GPHN: variants seen among roughly 807,000 people sequenced by gnomAD.
GPHN encodes gephyrin.
GPHN carries 17 observed loss-of-function variants against 95.5 expected under a neutral mutation model. The ratio of observed to expected loss-of-function variants is 0.18; its 90% CI spans 0.12 to 0.27. The LOEUF (loss-of-function observed/expected upper bound fraction) is 0.27. Among genes scored for constraint, GPHN ranks in the 10% least tolerant of loss-of-function variants. The probability of loss-of-function intolerance (pLI) is 1.00; values close to 1 mark genes in which losing one functional copy is unlikely to be tolerated. For missense variants in GPHN, 660 were observed against 978.1 expected (o/e 0.67, Z 4.34); for synonymous variants, 320 against 322.5 (o/e 0.99, Z 0.08).
At chr14:67,442,998 T>C in the GPHN span, among the ~76,000 whole-genome samples, 5 of 152,288 alleles carry the variant, frequency 3.3e-5, no homozygotes, top group East Asian at 5.8e-4. Flanking sequence ...GGCAGGAGGA[T>C]TGCTTGAGCC....
the GPHN span, chr14:67,729,408 A>C: frequency 1.3e-6 from 2 of 1,592,120 alleles, no homozygotes; most frequent in Non-Finnish European, 8.5e-7. Context: ...GGTTCTCTCC[A>C]CCACCTGTGT....
At chr14:67,398,474 C>T in the GPHN span, among the ~76,000 whole-genome samples, 1 of 152,100 alleles carries the variant, frequency 6.6e-6, no homozygotes, top group Non-Finnish European at 1.5e-5. Context: ...CCTAAACTAC[C>T]CTTCTCTTTA....
chr14:67,112,567 G>T (rs1477522092), intron 15 of GPHN, among the ~76,000 whole-genome samples: 4 of 152,126 alleles, frequency 2.6e-5, no homozygotes, highest in African/African-American at 4.8e-5. Context: ...TTACCTCTAT[G>T]ACTGTAGCCT....
intron 8 of GPHN, among the ~76,000 whole-genome samples, chr14:66,959,658 C>A (rs2068766041): frequency 6.6e-6 from 1 of 152,036 alleles, no homozygotes; most frequent in South Asian, 2.1e-4. Flanking sequence ...GATCAGAATT[C>A]TCTCTTCATC....
At chr14:67,499,683 C>T in the GPHN span, among the ~76,000 whole-genome samples, 16,938 of 151,964 alleles carry the variant, frequency 0.11, 1,002 homozygotes, top group African/African-American at 0.16. Context: ...GGAATAGGGG[C>T]AGAGAAGTGA....
At chr14:67,274,816 TCTC>T in the GPHN span, among the ~76,000 whole-genome samples, 1 of 152,228 alleles carries the variant, frequency 6.6e-6, no homozygotes, top group Non-Finnish European at 1.5e-5. Context: ...GGTTTCTAGT[TCTC>T]CTTGAAGAGG....
At chr14:66,737,426 G>A (rs1370234606) in intron 2 of GPHN, among the ~76,000 whole-genome samples, 1 of 152,174 alleles carries the variant, frequency 6.6e-6, no homozygotes, top group Non-Finnish European at 1.5e-5. Context: ...AATTCTCAGG[G>A]AAGCCCCTTT....
At chr14:67,662,210 G>A in the GPHN span, among the ~76,000 whole-genome samples, 1 of 151,594 alleles carries the variant, frequency 6.6e-6, no homozygotes, top group Non-Finnish European at 1.5e-5. Context: ...TTAAAAGACT[G>A]CTTGGGTAAA....
the GPHN span, among the ~76,000 whole-genome samples, chr14:67,245,951 A>G: frequency 3.9e-5 from 6 of 152,132 alleles, no homozygotes; most frequent in South Asian, 6.2e-4. Flanking sequence ...TGAGAGAAGT[A>G]CAAGTTGTTT....
the GPHN span, chr14:67,269,897 A>G: frequency 6.6e-6 from 1 of 152,378 alleles, no homozygotes; most frequent in Non-Finnish European, 1.5e-5. Context: ...ATCACTTAAA[A>G]TGAGACTTCC....
intron 1 of GPHN, among the ~76,000 whole-genome samples, chr14:66,611,374 A>G (rs1255201396): frequency 1.3e-5 from 2 of 152,266 alleles, no homozygotes; most frequent in African/African-American, 2.4e-5. Context: ...TACCCTTAAC[A>G]CTGATATACG....
At chr14:67,583,972 T>G in the GPHN span, 1 of 1,613,858 alleles carries the variant, frequency 6.2e-7, no homozygotes, top group Non-Finnish European at 8.5e-7. Context: ...TTGGCACTAT[T>G]TCTCTCCATC....
Position 66,949,277 on chromosome 14 carries a change from G to A in GPHN, c.829-15914G>A, listed in dbSNP as rs1199816927. On this transcript the variant is annotated intron_variant, in intron 8 of 22. Coordinates refer to ENST00000478722, the MANE Select transcript of GPHN (RefSeq NM_020806.5). ...TTTTTGTATTTTTAGTAGAGACAGG[G>A]TCTCACCATGTTAGCCAGGCTGGTC... 5.3e-5 allele frequency among the ~76,000 whole-genome samples: 8 copies of A among 152,160 alleles called. No homozygotes were observed. The South Asian group carries it at 1.5e-3, about 28-fold the overall frequency.
chr14:67,166,372 T>C (rs1462529302), intron 20 of GPHN, among the ~76,000 whole-genome samples: 1 of 152,240 alleles, frequency 6.6e-6, no homozygotes, highest in Non-Finnish European at 1.5e-5. Context: ...GAGCCTCTTT[T>C]GTCTACGGAA....
At chr14:67,336,151 G>A in the GPHN span, 1 of 152,332 alleles carries the variant, frequency 6.6e-6, no homozygotes, top group Admixed American at 6.5e-5. Flanking sequence ...TGAGGACACT[G>A]AGGCAGCATG....
At chr14:67,478,972 A>G in the GPHN span, among the ~76,000 whole-genome samples, 8 of 152,328 alleles carry the variant, frequency 5.3e-5, no homozygotes, top group South Asian at 1.7e-3. Flanking sequence ...AGGCATGCAT[A>G]TGTGCACATA....
intron 1 of GPHN, among the ~76,000 whole-genome samples, chr14:66,612,490 C>T (rs931578748): frequency 6.6e-6 from 1 of 152,076 alleles, no homozygotes; most frequent in Non-Finnish European, 1.5e-5. Context: ...GTACCCATCA[C>T]TCAGAAACAA....
At chr14:67,497,412 GT>G in the GPHN span, among the ~76,000 whole-genome samples, 1 of 152,140 alleles carries the variant, frequency 6.6e-6, no homozygotes, top group South Asian at 2.1e-4. Flanking sequence ...CCTCCTTCCA[GT>G]GCCGGGATGA....
At chr14:66,755,791 T>A (rs1047075348) in intron 2 of GPHN, among the ~76,000 whole-genome samples, 1 of 152,188 alleles carries the variant, frequency 6.6e-6, no homozygotes, top group Non-Finnish European at 1.5e-5. Context: ...GGAAAGGTAC[T>A]AATTTAAATG....
Sources: gnomAD v4.1 joint callset for allele counts (sites outside exome capture counted in the v4.1 genomes callset) on GRCh38, gnomAD v4.1.1 for gene constraint, MANE v1.5 for transcripts, NCBI Gene and HGNC (gene_info 2026-07-23, HGNC 2026-07-21) for gene names.